Variants in NPHP3 observed in about 807,000 individuals in gnomAD.
NPHP3 encodes the protein nephrocystin-3.
Under a neutral mutation model 171.9 loss-of-function variants are expected in NPHP3, and 123 were observed. The ratio of observed to expected loss-of-function variants is 0.72; its 90% confidence interval spans 0.62 to 0.83. The LOEUF (loss-of-function observed/expected upper bound fraction) is 0.83, where lower values mean the gene tolerates loss of function less well. Among genes scored for constraint, NPHP3 ranks in the 40% least tolerant of loss-of-function variants. The pLI, the probability that NPHP3 is intolerant of heterozygous loss-of-function variation, is 0.00. For missense variants in NPHP3, 1,506 were observed against 1,591.9 expected, an observed-to-expected ratio of 0.95 and a Z score of 0.92; for synonymous variants, 558 against 579.2, an observed-to-expected ratio of 0.96 and a Z score of 0.52.
chr3:132,708,799 T>C (rs1939825324), intron 6 of NPHP3, among the ~76,000 whole-genome samples: 1 of 152,160 alleles, frequency 6.6e-6, no homozygotes, highest in Admixed American at 6.5e-5. Context: ...GAGAAATCTC[T>C]TACAATGAAA....
intron 16 of NPHP3, among the ~76,000 whole-genome samples, chr3:132,694,157 T>C (rs1426062985): frequency 6.6e-6 from 1 of 152,024 alleles, no homozygotes; most frequent in Non-Finnish European, 1.5e-5. Context: ...CCACATTTAT[T>C]TGTGAGCTTG....
In NPHP3 at chr3:132,700,550, A is replaced by T; in HGVS notation, c.1629-102T>A. On this transcript the variant is annotated intron_variant, in intron 10 of 26. Transcript: ENST00000337331. The stretch of plus-strand genomic sequence containing the variant: ...GTAAACATCAAATGTTGCCTAACTG[A>T]GCAATCAGGTGGTCAGTTACTTTTA... 4.6e-6 allele frequency: 3 copies of T among 651,020 alleles called. No homozygotes were observed. The South Asian group carries it at 5.8e-5, about 13-fold the overall frequency. 40.3% of individuals were successfully genotyped at this position (651,020 alleles called of 1,614,324 possible). A position where few individuals can be genotyped will look rare whatever the true frequency, so the allele number is the denominator to read the frequency against.
chr3:132,694,919 G>A lies in NPHP3; in HGVS notation c.2218C>T (p.Gln740Ter). The A allele has an allele frequency of 6.2e-7, 1 of 1,613,714 alleles. No homozygotes were observed. The highest frequency in any genetic ancestry group is 8.5e-7 in the Non-Finnish European group (1 of 1,179,814). The change falls in exon 16 of 27, where the codon CAG becomes TAG. Residue 740 changes from glutamine (Q) to a stop codon, truncating the protein, a stop_gained. Coordinates refer to ENST00000337331, the MANE Select transcript of NPHP3 (RefSeq NM_153240.5). LOFTEE classifies it high-confidence loss of function. ...TATAATGAAAGAGTATCTTGACACT[G>A]GAAACACTGATGAAGGATTTTATCT... Reference protein sequence around the residue: ...NLDKILHQCFQCQDTLSLYRL... With the variant: ...NLDKILHQCF
At chr3:132,684,292 TA>T (rs1299402411) in intron 24 of NPHP3, among the ~76,000 whole-genome samples, 1 of 152,240 alleles carries the variant, frequency 6.6e-6, no homozygotes, top group Non-Finnish European at 1.5e-5. Flanking sequence ...AATGCATTTG[TA>T]CTTGGAATGT....
chr3:132,694,982 G>A lies in NPHP3; in HGVS notation c.2172-17C>T, dbSNP rs773843968. 7 of 1,613,210 alleles carry A rather than the reference G, an allele frequency of 4.3e-6. No homozygotes were observed. In the South Asian group the frequency reaches 4.4e-5, roughly 10 times the overall value. On this transcript the variant is annotated splice_polypyrimidine_tract_variant and intron_variant, in intron 15 of 26. Coordinates refer to ENST00000337331, the MANE Select transcript of NPHP3 (RefSeq NM_153240.5). ...CTCCCAGCACTGTTGGAATCGAGAA[G>A]AGATTTAATTTCTTACAGATTGCCA...
In NPHP3 at chr3:132,718,980, G is replaced by T; in HGVS notation, c.670+14C>A. The T allele has an allele frequency of 6.2e-7, 1 of 1,613,622 alleles. No individual in the cohort carries two copies. The highest frequency in any genetic ancestry group is 8.5e-7 in the Non-Finnish European group (1 of 1,179,638). ...ATGTTGAAAGCTCAAAATATAAATA[G>T]GATATACACTTACCAGTGACATCTG... On this transcript the variant is annotated intron_variant, in intron 3 of 26. Coordinates refer to ENST00000337331, the MANE Select transcript of NPHP3 (RefSeq NM_153240.5).
chr3:132,695,133 T>C (rs1307949420), intron 15 of NPHP3, 168 bp from the exon 16 acceptor site: 4 of 616,604 alleles, frequency 6.5e-6, no homozygotes, highest in Admixed American at 2.8e-5. Context: ...GCTAGAGTCA[T>C]TGGGTTTATT....
Position 132,704,186 on chromosome 3 carries a change from C to G in NPHP3, c.1524+12G>C. The G allele has an allele frequency of 6.2e-7, 1 of 1,613,468 alleles. No individual in the cohort carries two copies. The highest frequency in any genetic ancestry group is 8.5e-7 in the Non-Finnish European group (1 of 1,179,404). ...GACAGATCTTTGTTGCAATAATACT[C>G]CAAGCACTTACTTTCTCAAATCCCA... On this transcript the variant is annotated intron_variant, in intron 9 of 26. Coordinates refer to ENST00000337331, the MANE Select transcript of NPHP3 (RefSeq NM_153240.5).
intron 12 of NPHP3, 81 bp from the exon 13 acceptor site, chr3:132,699,531 A>G: frequency 1.1e-6 from 1 of 924,570 alleles, no homozygotes; most frequent in Non-Finnish European, 1.7e-6. Context: ...AAATAAAATG[A>G]AATTCTCATT....
At chr3:132,704,427 C>T (rs920249668) in intron 8 of NPHP3, 56 bp from the exon 9 acceptor site, 154 of 1,604,358 alleles carry the variant, frequency 9.6e-5, no homozygotes, top group African/African-American at 5.5e-4. Context: ...GATCTTACAG[C>T]GGGGTCACCC....
At chr3:132,713,341 G>T in intron 5 of NPHP3, 55 bp from the exon 6 acceptor site, 1 of 1,233,304 alleles carries the variant, frequency 8.1e-7, no homozygotes, top group Non-Finnish European at 1.2e-6. Flanking sequence ...AAGATCAAGT[G>T]AGATTCATAC....
chr3:132,707,512 T>C (rs1294744696), intron 7 of NPHP3, among the ~76,000 whole-genome samples: 1 of 152,102 alleles, frequency 6.6e-6, no homozygotes, highest in African/African-American at 2.4e-5. Flanking sequence ...CCTTGGTCAG[T>C]AGACAGAAGA....
chr3:132,695,051 C>T (rs1939417883), intron 15 of NPHP3, 86 bp from the exon 16 acceptor site: 8 of 1,315,300 alleles, frequency 6.1e-6, no homozygotes, highest in African/African-American at 1.5e-5. Context: ...AACGTGAACT[C>T]TATTTTTTGT....
At position 132,705,873 on chromosome 3, in the gene NPHP3, G is replaced by A. The variant is rs1939734003; in HGVS notation, c.1276-59C>T. 2.0e-5 allele frequency: 18 copies of A among 915,180 alleles called. No individual in the cohort carries two copies. The South Asian group carries it at 2.4e-4, about 12-fold the overall frequency. The allele number at this position is 915,180 out of a possible 1,614,324, so 56.7% of individuals were successfully genotyped here. ...ACCATAATATCAGAAGGAAGTGGTG[G>A]TAAATACTTTTATACTGCTTATGTG... is the stretch of plus-strand genomic sequence containing the variant. On this transcript the variant is annotated intron_variant, in intron 7 of 26. Coordinates refer to ENST00000337331, the MANE Select transcript of NPHP3 (RefSeq NM_153240.5).
At position 132,721,996 on chromosome 3, in the gene NPHP3, G is replaced by T; in HGVS notation, c.360C>A (p.Asp120Glu). The T allele has an allele frequency of 6.2e-7, 1 of 1,613,204 alleles. No individual in the cohort carries two copies. ...LSMGRREAKL[D>E]TENKRLRAEL... ...CGGCCCGCAGCCGCTTGTTCTCCGT[G>T]TCCAGCTTGGCCTCGCGGCGGCCCA... Residue 120 changes from aspartate to glutamate, a missense_variant, in exon 1 of 27, where the codon GAC becomes GAA. Around this residue, in one of 3 missense-constraint regions of NPHP3, gnomAD observed 930 missense variants for 924.9 expected, o/e 1.01. Transcript: ENST00000337331.
In NPHP3 at chr3:132,713,191, A is replaced by T; in HGVS notation, c.1053T>A (p.Thr351=). 6.4e-7 allele frequency: 1 copy of T among 1,552,940 alleles called. No homozygotes were observed. Among genetic ancestry groups the T allele is most frequent in the Non-Finnish European group, 8.8e-7 (1 of 1,131,244 alleles). ...TTTTCTCAATTTCCCATTTTCTTAC[A>T]GTGAGGTATTGATTTTCAACATCTA... ...FPIDVENQYL[T]VRKWEIEKSS... The change falls in exon 6 of 27, where the codon ACT becomes ACA. Residue 351 remains threonine, a synonymous_variant. Coordinates refer to ENST00000337331, the MANE Select transcript of NPHP3 (RefSeq NM_153240.5).
At chr3:132,705,525 A>G (rs1939724699) in intron 8 of NPHP3, 1 of 395,946 alleles carries the variant, frequency 2.5e-6, no homozygotes, top group Admixed American at 4.2e-5. Flanking sequence ...AGCATCAAAT[A>G]GTCCTCTGAG....
At chr3:132,707,953 T>C in intron 7 of NPHP3, 148 bp downstream of exon 7, 2 of 736,624 alleles carry the variant, frequency 2.7e-6, no homozygotes, top group Non-Finnish European at 4.6e-6. Flanking sequence ...TGAGGCCCCC[T>C]CTCCTCCTAC....
intron 17 of NPHP3, 128 bp downstream of exon 17, chr3:132,692,526 T>C: frequency 3.9e-6 from 3 of 778,482 alleles, no homozygotes; most frequent in Non-Finnish European, 6.5e-6. Context: ...AGGGACAATG[T>C]TGTATAGCAG....
Sources: allele counts gnomAD v4.1 joint callset (sites outside exome capture counted in the v4.1 genomes callset), GRCh38; gene constraint gnomAD v4.1.1; regional missense constraint gnomAD v4.1.1; transcripts MANE v1.5; gene names NCBI Gene and HGNC (gene_info 2026-07-23, HGNC 2026-07-21).